Variants in SEC61B observed in about 807,000 individuals in gnomAD.
SEC61B encodes protein transport protein Sec61 subunit beta.
In SEC61B, 7 loss-of-function variants were observed where a neutral mutation model predicts 12.6. That is an observed-to-expected ratio of 0.55 (90% CI 0.32 to 1.04). The LOEUF (loss-of-function observed/expected upper bound fraction) is 1.04. SEC61B is among the 50% of genes least tolerant of loss of function. SEC61B has a pLI of 0.05. For synonymous variants in SEC61B, 54 were observed against 50.1 expected (o/e 1.08, Z -0.33); for missense variants, 107 against 130.1 (o/e 0.82, Z 0.86).
intron 2 of SEC61B, chr9:99,222,980 C>CCG: frequency 4.4e-6 from 1 of 226,258 alleles, no homozygotes. Flanking sequence ...ATCTGTCCTA[C>CCG]AGATAACTCG....
At position 99,222,305 on chromosome 9, in the gene SEC61B, C is replaced by G. The variant is rs545207134; in HGVS notation, c.-59C>G. 8.1e-6 allele frequency: 13 copies of G among 1,613,744 alleles called. No homozygotes were observed. The highest frequency in any genetic ancestry group is 3.3e-5 in the Admixed American group (2 of 60,026). On this transcript the variant is annotated 5_prime_UTR_variant, in exon 1 of 4. Coordinates refer to ENST00000223641, the MANE Select transcript of SEC61B (RefSeq NM_006808.3). Reference sequence around the variant, plus strand: ...TCAGTCTCGCCAGCTGCCGGTCTTTCGGGGGCTCCGTAACTTTCTATCCGT... The same window carrying G: ...TCAGTCTCGCCAGCTGCCGGTCTTTGGGGGGCTCCGTAACTTTCTATCCGT...
At position 99,230,517 on chromosome 9, in the gene SEC61B, A is replaced by G; in HGVS notation, c.*93A>G. On this transcript the variant is annotated 3_prime_UTR_variant, in exon 4 of 4. Transcript: ENST00000223641. ...TAGTGACTATCTGTTCATGAGAGAA[A>G]TTTTCTGTAAGCTTGCTGTTTTACA... The G allele has an allele frequency of 2.5e-6, 2 of 788,090 alleles. No homozygotes were observed. Among genetic ancestry groups the G allele is most frequent in the East Asian group, 5.3e-5 (2 of 37,388 alleles). The allele number at this position is 788,090 out of a possible 1,614,324, so 48.8% of individuals were successfully genotyped here. A position where few individuals can be genotyped will look rare whatever the true frequency, so the allele number is the denominator to read the frequency against.
intron 2 of SEC61B, among the ~76,000 whole-genome samples, chr9:99,225,170 G>T (rs1277837688): frequency 6.6e-6 from 1 of 152,186 alleles, no homozygotes; most frequent in East Asian, 1.9e-4. Flanking sequence ...TCCGAAGATG[G>T]GTCTGTGAAC....
At chr9:99,223,119 T>A (rs1457682260) in intron 2 of SEC61B, 1 of 153,158 alleles carries the variant, frequency 6.5e-6, no homozygotes, top group African/African-American at 2.4e-5. Flanking sequence ...CTTGGATTTT[T>A]CTTATGCTCT....
chr9:99,229,890 A>G lies in SEC61B; in HGVS notation c.204-447A>G, dbSNP rs151034227. 6.6e-5 allele frequency among the ~76,000 whole-genome samples: 10 copies of G among 152,300 alleles called. No individual in the cohort carries two copies. The East Asian group carries it at 1.5e-3, about 23-fold the overall frequency. On this transcript the variant is annotated intron_variant, in intron 3 of 3. Transcript: ENST00000223641. ...ATATACAATTAAATTATTTTTTGCT[A>G]TAGTCACGTTGGTGTGCTAGCAAAT... is the stretch of plus-strand genomic sequence containing the variant.
rs1828842287 is a variant in SEC61B, at chr9:99,222,622, C to T, written c.80C>T (p.Ala27Val). The T allele has an allele frequency of 6.5e-7, 1 of 1,549,230 alleles. No individual in the cohort carries two copies. The highest frequency in any genetic ancestry group is 2.0e-5 in the Admixed American group (1 of 50,762). The change falls in exon 2 of 4, where the codon GCG (alanine) becomes GTG (valine). Residue 27 changes from alanine (A) to valine (V), a missense_variant. By Grantham distance (64) the Ala-to-Val change is moderately conservative. Coordinates refer to ENST00000223641, the MANE Select transcript of SEC61B (RefSeq NM_006808.3). ...AGCAAAGCAGTGGCCGCCCGGGCGG[C>T]GGGATCCACTGTCCGGCAGAGGTAA... ...SPSKAVAARAAGSTVRQRKNA... is the reference protein window; with the variant it reads ...SPSKAVAARAVGSTVRQRKNA...
intron 2 of SEC61B, among the ~76,000 whole-genome samples, chr9:99,225,918 C>G (rs1828888796): frequency 6.6e-6 from 1 of 152,218 alleles, no homozygotes; most frequent in Non-Finnish European, 1.5e-5. Context: ...TATGTTCACA[C>G]TGGGTTTATC....
At chr9:99,222,414 C>A (rs759582080) in intron 1 of SEC61B, 48 bp downstream of exon 1, 1 of 1,613,752 alleles carries the variant, frequency 6.2e-7, no homozygotes, top group Non-Finnish European at 8.5e-7. Context: ...AGCCCTGACT[C>A]CTCCTGCTTT....
At position 99,230,500 on chromosome 9, in the gene SEC61B, A is replaced by G. The variant is rs951897472; in HGVS notation, c.*76A>G. 3.0e-5 allele frequency: 28 copies of G among 939,946 alleles called. No individual in the cohort carries two copies. Among genetic ancestry groups the G allele is most frequent in the Admixed American group, 7.6e-5 (4 of 52,856 alleles). The allele number at this position is 939,946 out of a possible 1,614,324, so 58.2% of individuals were successfully genotyped here. Reference sequence around the variant, plus strand: ...TTCTTGGACCAAAAGTATAGTGACTATCTGTTCATGAGAGAAATTTTCTGT... The same window carrying G: ...TTCTTGGACCAAAAGTATAGTGACTGTCTGTTCATGAGAGAAATTTTCTGT... On this transcript the variant is annotated 3_prime_UTR_variant, in exon 4 of 4. Transcript: ENST00000223641.
In SEC61B at chr9:99,222,590, C is replaced by T. The variant is rs772048558; in HGVS notation, c.48C>T (p.Arg16=). 1.1e-5 allele frequency: 17 copies of T among 1,559,730 alleles called. No homozygotes were observed. The highest frequency in any genetic ancestry group is 1.9e-5 in the Admixed American group (1 of 51,594). The part of the protein sequence containing the change: ...PSGTNVGSSG[R]SPSKAVAARA... ...GCACTAACGTGGGATCCTCAGGGCG[C>T]TCTCCCAGCAAAGCAGTGGCCGCCC... The change falls in exon 2 of 4, where the codon CGC becomes CGT. Residue 16 remains arginine (R), a synonymous_variant. Coordinates refer to ENST00000223641, the MANE Select transcript of SEC61B (RefSeq NM_006808.3).
At chr9:99,229,822 T>C (rs1187920538) in intron 3 of SEC61B, among the ~76,000 whole-genome samples, 1 of 152,244 alleles carries the variant, frequency 6.6e-6, no homozygotes, top group Non-Finnish European at 1.5e-5. Context: ...GCATTTATCC[T>C]TTGTGTTATA....
Position 99,222,384 on chromosome 9 carries a change from T to A in SEC61B, c.3+18T>A, listed in dbSNP as rs757790906. On this transcript the variant is annotated intron_variant, in intron 1 of 3. Coordinates refer to ENST00000223641, the MANE Select transcript of SEC61B (RefSeq NM_006808.3). ...CCAATATGGTATGGCGGCCCTTCCA[T>A]GATCCCCGCCTCTCCCAGAAGCCCT... is the stretch of plus-strand genomic sequence containing the variant. 39 of 1,614,012 alleles carry A rather than the reference T, an allele frequency of 2.4e-5. No individual in the cohort carries two copies. Among genetic ancestry groups the A allele is most frequent in the Non-Finnish European group, 3.3e-5 (39 of 1,179,984 alleles).
chr9:99,224,160 G>T (rs1046276387), intron 2 of SEC61B, among the ~76,000 whole-genome samples: 1 of 152,214 alleles, frequency 6.6e-6, no homozygotes, highest in African/African-American at 2.4e-5. Flanking sequence ...GACATTTTCT[G>T]GCTGCAACAG....
At chr9:99,227,198 G>A (rs1828907142) in intron 2 of SEC61B, among the ~76,000 whole-genome samples, 2 of 150,070 alleles carry the variant, frequency 1.3e-5, no homozygotes, top group South Asian at 2.1e-4. Context: ...CCCAGGAGGC[G>A]GAGGTTGCAG....
intron 2 of SEC61B, among the ~76,000 whole-genome samples, chr9:99,227,227 C>G (rs943782153): frequency 1.5e-5 from 2 of 131,682 alleles, no homozygotes; most frequent in African/African-American, 5.8e-5. Flanking sequence ...AATTGTACTA[C>G]TGTACTCCAG....
chr9:99,223,989 G>A lies in SEC61B; in HGVS notation c.101+1346G>A, dbSNP rs548080136. ...CCTGCTCAAGTCATTTCTATCCCAG[G>A]TACCCACCATAAGGCATGACACAAT... On this transcript the variant is annotated intron_variant, in intron 2 of 3. Transcript: ENST00000223641. Among the ~76,000 whole-genome samples the A allele has an allele frequency of 6.2e-4, 94 of 152,146 alleles. 2 individuals carry two copies. In the South Asian group the frequency reaches 0.019, roughly 31 times the overall value.
At chr9:99,230,269 CTT>C in intron 3 of SEC61B, 66 bp from the exon 4 acceptor site, 1 of 979,196 alleles carries the variant, frequency 1.0e-6, no homozygotes, top group East Asian at 2.6e-5. Flanking sequence ...CCTAGGCAAT[CTT>C]TAGTATTGCA....
rs560991301 is a variant in SEC61B, at chr9:99,222,346, G to T, written c.-18G>T. 6.2e-6 allele frequency: 10 copies of T among 1,614,114 alleles called. No individual in the cohort carries two copies. In the African/African-American group the frequency reaches 1.1e-4, roughly 17 times the overall value. ...TTCTATCCGTCCGCGTCAGCGCCTT[G>T]CCACCCTCATCTCCAATATGGTATG... On this transcript the variant is annotated 5_prime_UTR_variant, in exon 1 of 4. Transcript: ENST00000223641.
At chr9:99,222,771 G>GT (rs1564225248) in intron 2 of SEC61B, 128 bp downstream of exon 2, 1 of 675,316 alleles carries the variant, frequency 1.5e-6, no homozygotes, top group East Asian at 2.9e-5. Flanking sequence ...TGACGTGGCC[G>GT]TGGGAGTAGT....
Sources: allele counts gnomAD v4.1 joint callset (sites outside exome capture counted in the v4.1 genomes callset), GRCh38; gene constraint gnomAD v4.1.1; transcripts MANE v1.5; gene names NCBI Gene and HGNC (gene_info 2026-07-23, HGNC 2026-07-21).